DPP10: variants seen among roughly 807,000 people sequenced by gnomAD.
The protein encoded by DPP10 is dipeptidyl peptidase like 10, also known as inactive dipeptidyl peptidase 10.
Under a neutral mutation model 120.9 loss-of-function variants are expected in DPP10, and 33 were observed. The observed-to-expected ratio is 0.27, with a 90% CI of 0.21 to 0.37. The LOEUF is 0.37. Ranked by LOEUF, DPP10 falls within the 10% of genes least tolerant of loss-of-function variation. The pLI, the probability that DPP10 is intolerant of heterozygous loss-of-function variation, is 1.00. For synonymous variants in DPP10, 337 were observed against 326.1 expected, an observed-to-expected ratio of 1.03 and a Z score of -0.36; for missense variants, 816 against 942.8, an observed-to-expected ratio of 0.87 and a Z score of 1.76.
intron 10 of DPP10, among the ~76,000 whole-genome samples, chr2:115,749,164 C>T (rs979953729): frequency 1.3e-5 from 2 of 152,124 alleles, no homozygotes; most frequent in Non-Finnish European, 2.9e-5. Context: ...TGCAATCACA[C>T]AATACCTTTA....
chr2:114,504,296 TG>T (rs1184200100), intron 1 of DPP10, among the ~76,000 whole-genome samples: 1 of 152,210 alleles, frequency 6.6e-6, no homozygotes, highest in Non-Finnish European at 1.5e-5. Context: ...ACATTACTTT[TG>T]TTTGTTTTTG....
At chr2:115,676,864 A>G (rs2149459759) in intron 5 of DPP10, among the ~76,000 whole-genome samples, 1 of 152,298 alleles carries the variant, frequency 6.6e-6, no homozygotes, top group South Asian at 2.1e-4. Flanking sequence ...ATTTAACCCA[A>G]AAATGTCCTC....
intron 4 of DPP10, among the ~76,000 whole-genome samples, chr2:115,503,126 C>T (rs576224667): frequency 6.6e-6 from 1 of 152,030 alleles, no homozygotes; most frequent in African/African-American, 2.4e-5. Flanking sequence ...GTAGCCATAA[C>T]ACAGGAAGGA....
chr2:115,210,725 A>G (rs1009151004), intron 1 of DPP10, among the ~76,000 whole-genome samples: 1 of 152,090 alleles, frequency 6.6e-6, no homozygotes, highest in Non-Finnish European at 1.5e-5. Flanking sequence ...CTGGTGTGAG[A>G]TGGTATCTCA....
At chr2:115,069,880 A>G (rs566594624) in intron 1 of DPP10, among the ~76,000 whole-genome samples, 180 of 151,960 alleles carry the variant, frequency 1.2e-3, no homozygotes, top group Admixed American at 2.7e-3. Flanking sequence ...ATACGTATAT[A>G]ATATTTATAT....
intron 1 of DPP10, among the ~76,000 whole-genome samples, chr2:114,880,760 A>G (rs1691535311): frequency 6.6e-6 from 1 of 152,208 alleles, no homozygotes; most frequent in Non-Finnish European, 1.5e-5. Context: ...GTACATTAAA[A>G]CATTTAATTA....
rs142906670 is a variant in DPP10 at position 114,820,116 on chromosome 2, C to G, written c.60+377278C>G. Among the ~76,000 whole-genome samples the G allele has an allele frequency of 1.8e-3, 272 of 152,276 alleles. 1 individual carries two copies. The East Asian group carries it at 0.029, about 16-fold the overall frequency. On this transcript the variant is annotated intron_variant, in intron 1 of 25. Transcript: ENST00000410059. ...AGGAAGGCTAGCCAAATTTCAAAAA[C>G]ACATTTATCCCGAAGCAAGAATAGA...
intron 1 of DPP10, among the ~76,000 whole-genome samples, chr2:115,154,145 A>C (rs902099287): frequency 1.3e-5 from 2 of 152,214 alleles, no homozygotes; most frequent in African/African-American, 2.4e-5. Context: ...TATTTACAAC[A>C]ACAAATATTT....
chr2:115,176,380 A>T (rs560063250), intron 1 of DPP10, among the ~76,000 whole-genome samples: 15 of 149,436 alleles, frequency 1.0e-4, no homozygotes, highest in African/African-American at 3.4e-4. Context: ...CAATTGCTTA[A>T]ATTTTATTTA....
intron 1 of DPP10, among the ~76,000 whole-genome samples, chr2:115,232,847 G>C (rs1303255674): frequency 6.6e-6 from 1 of 152,158 alleles, no homozygotes; most frequent in Non-Finnish European, 1.5e-5. Context: ...TTGGTGCTAA[G>C]TGTTCTGTGT....
chr2:114,943,090 C>T (rs1289216059), intron 1 of DPP10, among the ~76,000 whole-genome samples: 1 of 152,054 alleles, frequency 6.6e-6, no homozygotes, highest in Non-Finnish European at 1.5e-5. Context: ...TGATGTTCCC[C>T]TCCCTGTGTC....
At chr2:115,218,272 T>G (rs2056945804) in intron 1 of DPP10, among the ~76,000 whole-genome samples, 1 of 152,156 alleles carries the variant, frequency 6.6e-6, no homozygotes, top group Admixed American at 6.5e-5. Flanking sequence ...TAAGTAGTTT[T>G]GAGGTTTTGG....
chr2:115,147,925 A>G (rs1345355984), intron 1 of DPP10, among the ~76,000 whole-genome samples: 1 of 152,174 alleles, frequency 6.6e-6, no homozygotes, highest in African/African-American at 2.4e-5. Flanking sequence ...TTGGACCCTC[A>G]GACACAGCCC....
At chr2:115,488,811 C>T (rs1306490403) in intron 3 of DPP10, among the ~76,000 whole-genome samples, 1 of 127,940 alleles carries the variant, frequency 7.8e-6, no homozygotes. Context: ...AGCGCACCAG[C>T]ATGGCACATG....
intron 1 of DPP10, among the ~76,000 whole-genome samples, chr2:115,255,524 T>C (rs543041925): frequency 2.0e-5 from 3 of 152,340 alleles, no homozygotes; most frequent in Admixed American, 6.5e-5. Flanking sequence ...CAGCTTTAAT[T>C]TCTCCCCAGA....
At chr2:115,070,272 T>C (rs1707261300) in intron 1 of DPP10, among the ~76,000 whole-genome samples, 1 of 152,142 alleles carries the variant, frequency 6.6e-6, no homozygotes, top group African/African-American at 2.4e-5. Context: ...GGTCCTTAAA[T>C]AGCACCAAGA....
At chr2:115,107,519 G>C (rs1200932741) in intron 1 of DPP10, among the ~76,000 whole-genome samples, 1 of 142,600 alleles carries the variant, frequency 7.0e-6, no homozygotes, top group Non-Finnish European at 1.5e-5. Context: ...TAAAATCCAG[G>C]AGCCAAAATT....
chr2:115,652,907 C>T (rs1297880592), intron 5 of DPP10, among the ~76,000 whole-genome samples: 3 of 151,916 alleles, frequency 2.0e-5, no homozygotes, highest in African/African-American at 7.2e-5. Flanking sequence ...GTGGTCCAGT[C>T]AAGCTGACAT....
At chr2:115,403,826 G>T (rs1239592734) in intron 3 of DPP10, among the ~76,000 whole-genome samples, 1 of 152,090 alleles carries the variant, frequency 6.6e-6, no homozygotes, top group African/African-American at 2.4e-5. Flanking sequence ...TTGATAAGAT[G>T]ATCTTATGTG....
Sources: allele counts gnomAD v4.1 joint callset (sites outside exome capture counted in the v4.1 genomes callset), GRCh38; gene constraint gnomAD v4.1.1; transcripts MANE v1.5; gene names NCBI Gene and HGNC (gene_info 2026-07-23, HGNC 2026-07-21).